The following SSH2 variants were observed in gnomAD, a reference collection of about 807,000 sequenced individuals.
SSH2 encodes slingshot protein phosphatase 2.
SSH2 carries 37 observed loss-of-function variants against 135.2 expected under a neutral mutation model. That is an observed-to-expected ratio of 0.27 (90% CI 0.21 to 0.36). The LOEUF (loss-of-function observed/expected upper bound fraction) is 0.36. SSH2 is among the 10% of genes least tolerant of loss of function. The pLI, the probability that SSH2 is intolerant of heterozygous loss-of-function variation, is 1.00. For missense variants in SSH2, 1,408 were observed against 1,765.3 expected (o/e 0.80, Z 3.63); for synonymous variants, 628 against 646.2 (o/e 0.97, Z 0.43).
At chr17:29,741,107 G>C (rs1711041841) in intron 3 of SSH2, among the ~76,000 whole-genome samples, 1 of 152,164 alleles carries the variant, frequency 6.6e-6, no homozygotes, top group Non-Finnish European at 1.5e-5. Flanking sequence ...GTATGAAACA[G>C]GGTCTTGATA....
intron 3 of SSH2, among the ~76,000 whole-genome samples, chr17:29,722,759 G>A (rs532187607): frequency 3.9e-5 from 6 of 152,172 alleles, no homozygotes; most frequent in Non-Finnish European, 8.8e-5. Context: ...AAAACACACC[G>A]TGGGAACAGA....
chr17:29,678,917 G>A (rs1316430968), intron 6 of SSH2, among the ~76,000 whole-genome samples: 1 of 151,888 alleles, frequency 6.6e-6, no homozygotes, highest in Non-Finnish European at 1.5e-5. Flanking sequence ...TTTTTGCCAT[G>A]TTGACTAGGC....
At chr17:29,824,197 C>G (rs753689333) in intron 2 of SSH2, among the ~76,000 whole-genome samples, 2 of 152,270 alleles carry the variant, frequency 1.3e-5, no homozygotes, top group South Asian at 4.1e-4. Context: ...ACAAAACTAC[C>G]TGAACATGCC....
At chr17:29,781,468 G>GTTTTCT (rs2041838132) in intron 3 of SSH2, among the ~76,000 whole-genome samples, 1 of 114,522 alleles carries the variant, frequency 8.7e-6, no homozygotes, top group African/African-American at 3.1e-5. Context: ...CTAATCCTGT[G>GTTTTCT]TTTTCTTTTT....
In SSH2 at chr17:29,672,086, C is replaced by T. The variant is rs1278711550; in HGVS notation, c.658G>A (p.Ala220Thr). 2.5e-6 allele frequency: 4 copies of T among 1,614,134 alleles called. No homozygotes were observed. The highest frequency in any genetic ancestry group is 1.7e-5 in the Admixed American group (1 of 60,018). Residue 220 changes from alanine to threonine, a missense_variant, in exon 9 of 16, where the codon GCG becomes ACG. Physicochemically the swap from Ala to Thr is moderately conservative, Grantham distance 58. Coordinates refer to ENST00000540801, the MANE Select transcript of SSH2 (RefSeq NM_001282129.2). ...SLHKACEVAR[A>T]HNYYPGSLFL... ...AGGCTGCCTGGGTAGTAGTTATGCG[C>T]TCTGGCGACTTCACAAGCCTTGTGT...
chr17:29,773,044 TCCA>T, intron 3 of SSH2, among the ~76,000 whole-genome samples: 1 of 151,198 alleles, frequency 6.6e-6, no homozygotes, highest in Non-Finnish European at 1.5e-5. Context: ...CATCCATCCA[TCCA>T]TCCATCCATC....
intron 3 of SSH2, among the ~76,000 whole-genome samples, chr17:29,791,251 A>AT (rs1289686785): frequency 6.6e-6 from 1 of 151,404 alleles, no homozygotes; most frequent in Non-Finnish European, 1.5e-5. Flanking sequence ...CACCCGGCTA[A>AT]TTTTTTGTAT....
chr17:29,812,616 C>T (rs1040928573), intron 2 of SSH2, among the ~76,000 whole-genome samples: 26 of 152,270 alleles, frequency 1.7e-4, no homozygotes, highest in African/African-American at 5.1e-4. Flanking sequence ...GCCAGCCGGG[C>T]GCGATGGCTC....
In SSH2 at chr17:29,761,843, A is replaced by ATGTGTGTGTGTGTG. The variant is rs752691137; in HGVS notation, c.188+32037_188+32050dup. 5.2e-3 allele frequency among the ~76,000 whole-genome samples: 736 copies of ATGTGTGTGTGTGTG among 142,364 alleles called. 3 individuals carry two copies. Among genetic ancestry groups the ATGTGTGTGTGTGTG allele is most frequent in the African/African-American group, 0.019 (692 of 36,934 alleles). 93.4% of individuals were successfully genotyped at this position (142,364 alleles called of 152,430 possible). On this transcript the variant is annotated intron_variant, in intron 3 of 15. Transcript: ENST00000540801. ...ATTCAGAGATTACACTCACATACATATGTGTGTGTGTGTGTGTGTGTGTGT... is the reference window on the plus strand; with the variant it reads ...ATTCAGAGATTACACTCACATACATATGTGTGTGTGTGTGTGTGTGTGTGTGTGTGTGTGTGTGT...
chr17:29,900,659 G>T (rs2066534157), intron 1 of SSH2, among the ~76,000 whole-genome samples: 1 of 152,152 alleles, frequency 6.6e-6, no homozygotes, highest in Non-Finnish European at 1.5e-5. Flanking sequence ...GGAGAAATAG[G>T]AACACTTTTA....
chr17:29,765,728 A>G (rs1024160182), intron 3 of SSH2, among the ~76,000 whole-genome samples: 1 of 152,120 alleles, frequency 6.6e-6, no homozygotes, highest in African/African-American at 2.4e-5. Context: ...ATTAAGATAC[A>G]GGGACAAAAG....
Position 29,650,743 on chromosome 17 carries a change from A to G in SSH2, c.1137T>C (p.Phe379=), listed in dbSNP as rs757727345. The G allele has an allele frequency of 6.2e-7, 1 of 1,613,876 alleles. No homozygotes were observed. Among genetic ancestry groups the G allele is most frequent in the Non-Finnish European group, 8.5e-7 (1 of 1,179,936 alleles). The change falls in exon 13 of 16, where the codon TTT becomes TTC. Residue 379 remains phenylalanine (F), a synonymous_variant. Coordinates refer to ENST00000540801, the MANE Select transcript of SSH2 (RefSeq NM_001282129.2). ...CATATACCCGAATGTTATGATACTC[A>G]AAGACTCCTGGGAAGAAGTTATCTA... ...REIDNFFPGV[F]EYHNIRVYDE... is the part of the protein sequence containing the mutation.
intron 3 of SSH2, chr17:29,793,486 T>G (rs1048602671): frequency 6.9e-4 from 107 of 154,784 alleles, no homozygotes; most frequent in African/African-American, 2.5e-3. Flanking sequence ...TAAGGAAATT[T>G]TGCTTTTTTA....
intron 1 of SSH2, among the ~76,000 whole-genome samples, chr17:29,920,831 T>G (rs2066964570): frequency 6.6e-6 from 1 of 152,104 alleles, no homozygotes; most frequent in Non-Finnish European, 1.5e-5. Flanking sequence ...TTGATGGCAT[T>G]AAAATTTTGT....
chr17:29,814,306 G>A (rs1440868501), intron 2 of SSH2, among the ~76,000 whole-genome samples: 1 of 149,308 alleles, frequency 6.7e-6, no homozygotes, highest in Admixed American at 6.7e-5. Context: ...GTGGTGGCGC[G>A]CTTGTAGTCC....
At chr17:29,744,098 C>T (rs182160016) in intron 3 of SSH2, among the ~76,000 whole-genome samples, 114 of 152,126 alleles carry the variant, frequency 7.5e-4, no homozygotes, top group Middle Eastern at 3.4e-3. Context: ...AGTACAGGGA[C>T]GCCAAAGGGC....
Position 29,626,556 on chromosome 17 carries a change from A to G in SSH2, c.*4285T>C, listed in dbSNP as rs1247789131. ...AGGATGATTCCAGTTTAGAAATCCT[A>G]TCCTAGACCTCTGGGGCACTGAGAA... On this transcript the variant is annotated 3_prime_UTR_variant, in exon 16 of 16. Coordinates refer to ENST00000540801, the MANE Select transcript of SSH2 (RefSeq NM_001282129.2). The G allele has an allele frequency of 1.3e-5, 2 of 152,664 alleles. No individual in the cohort carries two copies. The highest frequency in any genetic ancestry group is 2.9e-5 in the Non-Finnish European group (2 of 68,040). 9.5% of individuals were successfully genotyped at this position (152,664 alleles called of 1,614,324 possible).
At chr17:29,851,886 G>T (rs1298654120) in intron 1 of SSH2, among the ~76,000 whole-genome samples, 1 of 152,058 alleles carries the variant, frequency 6.6e-6, no homozygotes, top group Non-Finnish European at 1.5e-5. Context: ...AAACAAAACA[G>T]ACCTGAAGAG....
intron 1 of SSH2, among the ~76,000 whole-genome samples, chr17:29,907,323 TG>T (rs2066672371): frequency 7.0e-6 from 1 of 143,720 alleles, no homozygotes; most frequent in East Asian, 2.0e-4. Context: ...GGACACATGG[TG>T]GGGAAGTACA....
Sources: gnomAD v4.1 joint callset for allele counts (sites outside exome capture counted in the v4.1 genomes callset) on GRCh38, gnomAD v4.1.1 for gene constraint, MANE v1.5 for transcripts, NCBI Gene and HGNC (gene_info 2026-07-23, HGNC 2026-07-21) for gene names.